BARX2: variants seen among roughly 807,000 people sequenced by gnomAD.
BARX2 encodes the protein BARX homeobox 2, also known as homeobox protein BarH-like 2.
Under a neutral mutation model 25.5 loss-of-function variants are expected in BARX2, and 11 were observed. The observed-to-expected ratio is 0.43, with a 90% confidence interval of 0.27 to 0.71. The LOEUF (loss-of-function observed/expected upper bound fraction) is 0.71. Among genes scored for constraint, BARX2 ranks in the 30% least tolerant of loss-of-function variants. BARX2 has a pLI of 0.19. For missense variants in BARX2, 360 were observed against 359.9 expected (o/e 1.00, Z 0.00); for synonymous variants, 137 against 149.5 (o/e 0.92, Z 0.61).
At chr11:129,402,014 A>G (rs1318095410) in intron 1 of BARX2, among the ~76,000 whole-genome samples, 4 of 131,186 alleles carry the variant, frequency 3.0e-5, no homozygotes, top group East Asian at 2.6e-4. Flanking sequence ...TGTGGTTGAC[A>G]GTGGTTTTTT....
chr11:129,416,144 G>A (rs2135400784), intron 1 of BARX2, among the ~76,000 whole-genome samples: 1 of 152,332 alleles, frequency 6.6e-6, no homozygotes, highest in Middle Eastern at 3.4e-3. Flanking sequence ...GTGTGTTCAG[G>A]GCCAGGGACT....
Position 129,382,940 on chromosome 11 carries a change from C to G in BARX2, c.187+6718C>G, listed in dbSNP as rs188718300. On this transcript the variant is annotated intron_variant, in intron 1 of 3. Coordinates refer to ENST00000281437, the MANE Select transcript of BARX2 (RefSeq NM_003658.5). ...CAAAGACTGCAAGCGTGGAGAAGCA[C>G]CTTGGGCCTGCCTGTCGGTGCCTGC... is the stretch of plus-strand genomic sequence containing the variant. Among the ~76,000 whole-genome samples the G allele has an allele frequency of 2.5e-4, 38 of 152,284 alleles. No homozygotes were observed. The East Asian group carries it at 4.6e-3, about 19-fold the overall frequency.
intron 2 of BARX2, among the ~76,000 whole-genome samples, chr11:129,439,676 T>C (rs927919863): frequency 1.3e-5 from 2 of 152,144 alleles, no homozygotes; most frequent in Admixed American, 6.5e-5. Flanking sequence ...TCTAGACCTG[T>C]GCATTTGGAG....
chr11:129,451,031 T>C (rs946914517), intron 3 of BARX2, 105 bp from the exon 4 acceptor site: 29 of 1,425,160 alleles, frequency 2.0e-5, no homozygotes, highest in Non-Finnish European at 2.6e-5. Context: ...GCAATTTCAC[T>C]GCTGGAACAG....
intron 1 of BARX2, among the ~76,000 whole-genome samples, chr11:129,412,236 C>T (rs961432877): frequency 2.0e-5 from 3 of 151,230 alleles, no homozygotes; most frequent in Non-Finnish European, 4.4e-5. Flanking sequence ...CGCGTCACTG[C>T]ACTCCAGCCT....
At position 129,376,047 on chromosome 11, in the gene BARX2, C is replaced by T. The variant is rs1463392719; in HGVS notation, c.12C>T (p.His4=). The T allele has an allele frequency of 3.8e-5, 60 of 1,589,652 alleles. No individual in the cohort carries two copies. The highest frequency in any genetic ancestry group is 5.0e-5 in the Non-Finnish European group (59 of 1,170,438). ...CGCGCCGGCTCACCATGCACTGCCACGCCGAGCTGAGGCTGAGCTCGCCCG... is the reference window on the plus strand; with the variant it reads ...CGCGCCGGCTCACCATGCACTGCCATGCCGAGCTGAGGCTGAGCTCGCCCG... MHC[H]AELRLSSPGQ... The change falls in exon 1 of 4, where the codon CAC becomes CAT. Residue 4 remains histidine (H), a synonymous_variant. Coordinates refer to ENST00000281437, the MANE Select transcript of BARX2 (RefSeq NM_003658.5). This position sits in a 1 kb window ranked among gnomAD's most constrained non-coding sequence, Gnocchi z 4.2.
intron 3 of BARX2, among the ~76,000 whole-genome samples, chr11:129,444,086 G>A (rs1244279382): frequency 6.6e-6 from 1 of 151,334 alleles, no homozygotes; most frequent in Non-Finnish European, 1.5e-5. Flanking sequence ...TAACTACGGG[G>A]TTCTGCCAAC....
chr11:129,377,349 C>T (rs910635190), intron 1 of BARX2, among the ~76,000 whole-genome samples: 2 of 152,232 alleles, frequency 1.3e-5, no homozygotes, highest in African/African-American at 4.8e-5. Flanking sequence ...ATATGACAAT[C>T]AGTAAACATA....
At chr11:129,375,328 C>G (rs933851784), upstream of BARX2, among the ~76,000 whole-genome samples, 4 of 152,102 alleles carry the variant, frequency 2.6e-5, no homozygotes, top group Non-Finnish European at 4.4e-5. This position sits in a 1 kb window ranked among gnomAD's most constrained non-coding sequence, Gnocchi z 4.0. Flanking sequence ...GGTGGGTCCT[C>G]GGGGGCACTG....
intron 1 of BARX2, among the ~76,000 whole-genome samples, chr11:129,431,100 G>T (rs111626479): frequency 3.5e-4 from 54 of 152,134 alleles, no homozygotes; most frequent in African/African-American, 1.1e-3. Context: ...GGCCTCAAGA[G>T]ATCTACCACC....
intron 1 of BARX2, among the ~76,000 whole-genome samples, chr11:129,402,820 A>G (rs1362509723): frequency 6.6e-6 from 1 of 152,226 alleles, no homozygotes; most frequent in Non-Finnish European, 1.5e-5. Flanking sequence ...GCCATTGTAG[A>G]CACAGAGGGA....
At chr11:129,413,003 G>A (rs374258173) in intron 1 of BARX2, among the ~76,000 whole-genome samples, 4 of 152,260 alleles carry the variant, frequency 2.6e-5, no homozygotes, top group Admixed American at 6.5e-5. Context: ...GGAAACTTAC[G>A]TGCAGTGGGA....
intron 1 of BARX2, among the ~76,000 whole-genome samples, chr11:129,426,881 G>C (rs747229761): frequency 9.9e-5 from 15 of 152,006 alleles, no homozygotes; most frequent in Non-Finnish European, 1.8e-4. Context: ...GTCCAGCCAG[G>C]TGAGCCCTTC....
At chr11:129,444,810 TG>T (rs1226897775) in intron 3 of BARX2, among the ~76,000 whole-genome samples, 1 of 152,050 alleles carries the variant, frequency 6.6e-6, no homozygotes, top group Non-Finnish European at 1.5e-5. Context: ...GAAACCAGCC[TG>T]GCAAACATGG....
chr11:129,415,397 C>A (rs1287697937), intron 1 of BARX2, among the ~76,000 whole-genome samples: 4 of 152,132 alleles, frequency 2.6e-5, no homozygotes, highest in African/African-American at 9.7e-5. Context: ...GCAAAGCCTG[C>A]AGGATGCCAT....
Position 129,451,241 on chromosome 11 carries a change from C to G in BARX2, c.679C>G (p.Gln227Glu). Residue 227 changes from glutamine to glutamate, a missense_variant, in exon 4 of 4, where the codon CAG (glutamine) becomes GAG (glutamate). Around this residue, in one of 3 missense-constraint regions of BARX2, gnomAD observed 114 missense variants for 109.4 expected, o/e 1.04. Transcript: ENST00000281437. ...TGAAGCTGAAGAGAAGATGAACAGC[C>G]AGGCCCAGGGTCAGGAGCAGCTGGA... ...EIEAEEKMNS[Q>E]AQGQEQLEPS... is the part of the protein sequence containing the mutation. 2.5e-6 allele frequency: 4 copies of G among 1,614,160 alleles called. No homozygotes were observed. The highest frequency in any genetic ancestry group is 3.4e-6 in the Non-Finnish European group (4 of 1,180,020).
Position 129,451,973 on chromosome 11 carries a change from G to C in BARX2, c.*571G>C, listed in dbSNP as rs577485024. ...CTGAATCAAGTTTGTTTGAAGACAC[G>C]TGTGCCTTTGTACCCATTATAAGAT... On this transcript the variant is annotated 3_prime_UTR_variant, in exon 4 of 4. Coordinates refer to ENST00000281437, the MANE Select transcript of BARX2 (RefSeq NM_003658.5). 1 of 153,160 alleles carries C rather than the reference G, an allele frequency of 6.5e-6. No individual in the cohort carries two copies. Among genetic ancestry groups the C allele is most frequent in the African/African-American group, 2.4e-5 (1 of 41,404 alleles). 9.5% of individuals were successfully genotyped at this position (153,160 alleles called of 1,614,324 possible).
intron 1 of BARX2, among the ~76,000 whole-genome samples, chr11:129,382,417 G>T (rs1414786316): frequency 6.6e-6 from 1 of 152,158 alleles, no homozygotes; most frequent in East Asian, 1.9e-4. Context: ...GACCTCAGGT[G>T]ATCTGCCCGC....
chr11:129,423,336 C>T (rs1862027878), intron 1 of BARX2, among the ~76,000 whole-genome samples: 1 of 151,806 alleles, frequency 6.6e-6, no homozygotes, highest in Non-Finnish European at 1.5e-5. Flanking sequence ...AAGCTGGTCT[C>T]GAACTCCTGA....
Sources: allele counts gnomAD v4.1 joint callset (sites outside exome capture counted in the v4.1 genomes callset), GRCh38; gene constraint gnomAD v4.1.1; regional missense constraint gnomAD v4.1.1; non-coding constraint Gnocchi (gnomAD v3.1); transcripts MANE v1.5; gene names NCBI Gene and HGNC (gene_info 2026-07-23, HGNC 2026-07-21).